Variants in GREM2 observed in about 807,000 individuals in gnomAD.
The protein encoded by GREM2 is gremlin-2.
A neutral mutation model predicts 14.2 loss-of-function variants in GREM2; 11 were observed. The observed-to-expected ratio is 0.78, with a 90% CI of 0.49 to 1.28. GREM2 has a LOEUF of 1.28. GREM2 is among the 50% of genes most tolerant of loss of function. GREM2 has a pLI of 0.00. For synonymous variants in GREM2, 98 were observed against 97.6 expected (o/e 1.00, Z -0.02); for missense variants, 210 against 218.5 (o/e 0.96, Z 0.24).
chr1:240,567,761 A>G (rs148147664), intron 1 of GREM2, among the ~76,000 whole-genome samples: 7 of 152,340 alleles, frequency 4.6e-5, no homozygotes, highest in Middle Eastern at 6.8e-3. Context: ...TAAATATAGA[A>G]GACTTTTTTC....
At chr1:240,601,990 G>GC (rs1679934825) in intron 1 of GREM2, among the ~76,000 whole-genome samples, 1 of 150,660 alleles carries the variant, frequency 6.6e-6, no homozygotes, top group African/African-American at 2.4e-5. Flanking sequence ...ATCCTCTCTT[G>GC]CCCCCCTGCC....
At chr1:240,607,142 C>T (rs752858249) in intron 1 of GREM2, among the ~76,000 whole-genome samples, 95 of 152,120 alleles carry the variant, frequency 6.2e-4, no homozygotes, top group Non-Finnish European at 1.2e-3. Flanking sequence ...CTTTAACTAA[C>T]AACTGTCAGC....
chr1:240,529,500 T>G (rs1290651098), intron 1 of GREM2, among the ~76,000 whole-genome samples: 1 of 152,104 alleles, frequency 6.6e-6, no homozygotes, highest in Non-Finnish European at 1.5e-5. Context: ...TATGTGGGCA[T>G]CTACCTTCCA....
chr1:240,521,442 G>GA (rs1678091322), intron 1 of GREM2, among the ~76,000 whole-genome samples: 1 of 151,404 alleles, frequency 6.6e-6, no homozygotes, highest in Non-Finnish European at 1.5e-5. Flanking sequence ...ATGGTGAGGG[G>GA]CGACTGTAGT....
intron 1 of GREM2, among the ~76,000 whole-genome samples, chr1:240,529,680 AT>A (rs554274528): frequency 0.012 from 1,857 of 152,128 alleles, 26 homozygotes; most frequent in African/African-American, 0.043. Flanking sequence ...ATTTTTAATG[AT>A]TTTTTTTAAA....
intron 1 of GREM2, among the ~76,000 whole-genome samples, chr1:240,605,754 G>C (rs1680012753): frequency 6.6e-6 from 1 of 151,880 alleles, no homozygotes; most frequent in South Asian, 2.1e-4. Context: ...ATTCCAGGTT[G>C]TTATGAACAG....
chr1:240,519,779 G>A (rs963221666), intron 1 of GREM2, among the ~76,000 whole-genome samples: 1 of 152,046 alleles, frequency 6.6e-6, no homozygotes, highest in East Asian at 1.9e-4. Context: ...CTTAGCAATG[G>A]AGTATGAAAA....
chr1:240,538,944 G>A (rs1678534538), intron 1 of GREM2, among the ~76,000 whole-genome samples: 1 of 152,110 alleles, frequency 6.6e-6, no homozygotes, highest in African/African-American at 2.4e-5. Context: ...TGAAATAACA[G>A]CATCAGATAA....
intron 1 of GREM2, among the ~76,000 whole-genome samples, chr1:240,565,093 T>C (rs1297691328): frequency 6.6e-6 from 1 of 152,206 alleles, no homozygotes; most frequent in Admixed American, 6.5e-5. Context: ...TGGATTTGTT[T>C]TGTGTCTCTG....
chr1:240,494,467 G>T (rs1252863684), intron 1 of GREM2, among the ~76,000 whole-genome samples: 1 of 152,210 alleles, frequency 6.6e-6, no homozygotes, highest in African/African-American at 2.4e-5. Context: ...CTTTAAAAAT[G>T]AGTATTAAAG....
intron 1 of GREM2, among the ~76,000 whole-genome samples, chr1:240,570,185 T>C (rs1290218369): frequency 6.6e-6 from 1 of 152,140 alleles, no homozygotes; most frequent in African/African-American, 2.4e-5. Context: ...AATTAACAGA[T>C]GGGTGCAGTG....
At chr1:240,521,641 T>C (rs897568507) in intron 1 of GREM2, among the ~76,000 whole-genome samples, 4 of 152,094 alleles carry the variant, frequency 2.6e-5, no homozygotes, top group Non-Finnish European at 5.9e-5. Context: ...AATGGGGAAA[T>C]GGCAGGTGAA....
chr1:240,570,837 A>T (rs1370848340), intron 1 of GREM2, among the ~76,000 whole-genome samples: 3 of 152,262 alleles, frequency 2.0e-5, no homozygotes, highest in South Asian at 2.1e-4. Context: ...ACAATATTTG[A>T]TTCCTTTCTC....
intron 1 of GREM2, among the ~76,000 whole-genome samples, chr1:240,599,020 G>A (rs1037117184): frequency 6.6e-6 from 1 of 152,070 alleles, no homozygotes; most frequent in African/African-American, 2.4e-5. Flanking sequence ...TGTAATCTCA[G>A]CATTTTGGGA....
rs200102958 is a variant in GREM2 at position 240,557,170 on chromosome 1, T to TA, written c.-2+54713dup. ...GGGTGACAGTAAGACTCTGTCTCCA[T>TA]AAAAAAAAAACATAAAATAAATATA... is the stretch of plus-strand genomic sequence containing the variant. On this transcript the variant is annotated intron_variant, in intron 1 of 1. Coordinates refer to ENST00000318160, the MANE Select transcript of GREM2 (RefSeq NM_022469.4). 7.9e-3 allele frequency among the ~76,000 whole-genome samples: 1,098 copies of TA among 139,202 alleles called. 7 individuals are homozygous for TA. The highest frequency in any genetic ancestry group is 0.015 in the Admixed American group (209 of 14,018). 91.3% of individuals were successfully genotyped at this position (139,202 alleles called of 152,430 possible). A position where few individuals can be genotyped will look rare whatever the true frequency, so the allele number is the denominator to read the frequency against.
chr1:240,492,242 T>C lies in GREM2; in HGVS notation c.*727A>G, dbSNP rs781302710. 14 of 453,276 alleles carry C rather than the reference T, an allele frequency of 3.1e-5. No individual in the cohort carries two copies. The highest frequency in any genetic ancestry group is 1.9e-4 in the South Asian group (12 of 64,256). The allele number at this position is 453,276 out of a possible 1,614,324, so 28.1% of individuals were successfully genotyped here. A position where few individuals can be genotyped will look rare whatever the true frequency, so the allele number is the denominator to read the frequency against. On this transcript the variant is annotated 3_prime_UTR_variant, in exon 2 of 2. Transcript: ENST00000318160. The stretch of plus-strand genomic sequence containing the variant: ...TAGCATGCACACCAGAGTTCATCTT[T>C]AGTCCACAAATAGGGGGCGGGGACA...
At chr1:240,530,574 A>T in intron 1 of GREM2, 1 of 152,232 alleles carries the variant, frequency 6.6e-6, no homozygotes, top group African/African-American at 2.4e-5. Flanking sequence ...GTTGTGCATA[A>T]AATATACAAT....
intron 1 of GREM2, among the ~76,000 whole-genome samples, chr1:240,526,759 G>A (rs1400168443): frequency 1.4e-4 from 21 of 150,796 alleles, no homozygotes; most frequent in Admixed American, 9.2e-4. Flanking sequence ...TCCAAATTAC[G>A]AAAAAAAAAT....
chr1:240,516,467 C>T (rs1677959748), intron 1 of GREM2, among the ~76,000 whole-genome samples: 1 of 152,034 alleles, frequency 6.6e-6, no homozygotes, highest in South Asian at 2.1e-4. Context: ...TATTTAGCTG[C>T]CTTGGGGATT....
Sources: allele counts gnomAD v4.1 joint callset (sites outside exome capture counted in the v4.1 genomes callset), GRCh38; gene constraint gnomAD v4.1.1; transcripts MANE v1.5; gene names NCBI Gene and HGNC (gene_info 2026-07-23, HGNC 2026-07-21).